OOSP1: variants seen among roughly 807,000 people sequenced by gnomAD.
The protein encoded by OOSP1 is oocyte secreted protein 1.
OOSP1 carries 11 observed loss-of-function variants against 5.7 expected under a neutral mutation model. The ratio of observed to expected loss-of-function variants is 1.94; its 90% CI spans 1.22 to 3.20. The LOEUF (loss-of-function observed/expected upper bound fraction) is 3.20. OOSP1 is among the 30% of genes most tolerant of loss of function. The probability of loss-of-function intolerance (pLI) is 0.00; values close to 1 mark genes in which losing one functional copy is unlikely to be tolerated. For synonymous variants in OOSP1, 44 were observed against 20.0 expected (o/e 2.20, Z -3.20); for missense variants, 83 against 54.1 (o/e 1.53, Z -1.67).
intron 1 of OOSP1, among the ~76,000 whole-genome samples, chr11:59,939,737 CT>C (rs1853806077): frequency 6.6e-6 from 1 of 150,616 alleles, no homozygotes; most frequent in African/African-American, 2.4e-5. Flanking sequence ...TTCTTTTTCT[CT>C]TTTTTCTTTT....
chr11:59,948,635 G>T (rs966046866), intron 4 of OOSP1: 5 of 396,222 alleles, frequency 1.3e-5, no homozygotes, highest in Non-Finnish European at 1.8e-5. Context: ...TGAATAACAG[G>T]CTCTTAGAAG....
chr11:59,956,915 T>TTA (rs140480076), intron 4 of OOSP1, among the ~76,000 whole-genome samples: 6,574 of 151,286 alleles, frequency 0.043, 159 homozygotes, highest in African/African-American at 0.049. Flanking sequence ...TAGTATTCCA[T>TTA]TATATATATA....
At chr11:59,954,020 A>C (rs1008478454) in intron 4 of OOSP1, among the ~76,000 whole-genome samples, 1 of 152,224 alleles carries the variant, frequency 6.6e-6, no homozygotes, top group Non-Finnish European at 1.5e-5. Context: ...TTTTACACCT[A>C]GGCTATATGG....
At chr11:59,941,184 C>T (rs1853820723) in intron 1 of OOSP1, among the ~76,000 whole-genome samples, 6 of 152,028 alleles carry the variant, frequency 3.9e-5, no homozygotes, top group Admixed American at 3.3e-4. Context: ...TTGGAATTGG[C>T]GTTTTTTTTC....
At chr11:59,940,641 G>A (rs1311973773) in intron 1 of OOSP1, among the ~76,000 whole-genome samples, 1 of 152,090 alleles carries the variant, frequency 6.6e-6, no homozygotes, top group Non-Finnish European at 1.5e-5. Context: ...TCTAGTGTGG[G>A]GCCGTTACAA....
At chr11:59,938,987 C>G (rs1853798210) in intron 1 of OOSP1, among the ~76,000 whole-genome samples, 1 of 152,102 alleles carries the variant, frequency 6.6e-6, no homozygotes, top group Non-Finnish European at 1.5e-5. Flanking sequence ...GTCAGTGCCC[C>G]CTAAGTGAGG....
chr11:59,944,271 A>T (rs1476036153), intron 2 of OOSP1, among the ~76,000 whole-genome samples: 2 of 148,296 alleles, frequency 1.3e-5, no homozygotes, highest in African/African-American at 4.9e-5. Flanking sequence ...TGGGTCAACA[A>T]GCCCTTAGGG....
At chr11:59,952,234 G>A (rs1421749805) in intron 4 of OOSP1, among the ~76,000 whole-genome samples, 1 of 152,050 alleles carries the variant, frequency 6.6e-6, no homozygotes. Context: ...CTTCAATATG[G>A]AGATTCCTTA....
At chr11:59,939,097 T>A (rs954667805) in intron 1 of OOSP1, among the ~76,000 whole-genome samples, 1 of 152,134 alleles carries the variant, frequency 6.6e-6, no homozygotes, top group Non-Finnish European at 1.5e-5. Context: ...GAGTATAAAC[T>A]TGGGCTGTCA....
At position 59,939,786 on chromosome 11, in the gene OOSP1, C is replaced by CTTTTCT. The variant is rs1360772023; in HGVS notation, c.76+1263_76+1268dup. Among the ~76,000 whole-genome samples the CTTTTCT allele has an allele frequency of 1.3e-4, 19 of 149,780 alleles. No homozygotes were observed. The East Asian group carries it at 3.7e-3, about 29-fold the overall frequency. On this transcript the variant is annotated intron_variant, in intron 1 of 4. Transcript: ENST00000646685. ...CCTTCTCTTTCTCATCTTTCTCTTT[C>CTTTTCT]TTTTCTTTTTCTCTTTCTCTTCTCT...
chr11:59,952,196 G>A (rs1266701651), intron 4 of OOSP1, among the ~76,000 whole-genome samples: 1 of 152,114 alleles, frequency 6.6e-6, no homozygotes, highest in Non-Finnish European at 1.5e-5. Flanking sequence ...ATAGTATTTT[G>A]TTGGGAGGAT....
intron 1 of OOSP1, among the ~76,000 whole-genome samples, chr11:59,941,147 A>G (rs1311369915): frequency 1.3e-5 from 2 of 152,184 alleles, no homozygotes; most frequent in African/African-American, 4.8e-5. Context: ...AGGGTGTTAT[A>G]TAAATGGGCT....
chr11:59,940,949 C>T (rs1853818329), intron 1 of OOSP1, among the ~76,000 whole-genome samples: 1 of 152,170 alleles, frequency 6.6e-6, no homozygotes, highest in South Asian at 2.1e-4. Context: ...AAATATAATA[C>T]AGTATTACAT....
At chr11:59,940,219 AAGC>A in intron 1 of OOSP1, among the ~76,000 whole-genome samples, 1 of 152,388 alleles carries the variant, frequency 6.6e-6, no homozygotes, top group South Asian at 2.1e-4. Flanking sequence ...AAGTTTAAAA[AAGC>A]AGGTAACTAT....
At chr11:59,948,392 A>C (rs1853908263) in intron 4 of OOSP1, among the ~76,000 whole-genome samples, 1 of 152,226 alleles carries the variant, frequency 6.6e-6, no homozygotes, top group Non-Finnish European at 1.5e-5. Context: ...CTATTAATAA[A>C]AGGATGGAGC....
intron 1 of OOSP1, among the ~76,000 whole-genome samples, chr11:59,942,414 G>A (rs1853838757): frequency 6.6e-6 from 1 of 152,160 alleles, no homozygotes; most frequent in Admixed American, 6.6e-5. Flanking sequence ...TCATGAAACT[G>A]TGGGTATAAA....
At position 59,941,588 on chromosome 11, in the gene OOSP1, C is replaced by T. The variant is rs374110726; in HGVS notation, c.77-1259C>T. On this transcript the variant is annotated intron_variant, in intron 1 of 4. Transcript: ENST00000646685. ...AGAGATGGGGTTTTACCATGTTGAT[C>T]AGACTGGTCTTGAACTCCTGACCTC... Among the ~76,000 whole-genome samples the T allele has an allele frequency of 2.2e-4, 33 of 152,212 alleles. No homozygotes were observed. In the South Asian group the frequency reaches 6.6e-3, roughly 31 times the overall value.
chr11:59,945,750 CAAAAAAAAAAA>C (rs67604320), intron 3 of OOSP1, among the ~76,000 whole-genome samples: 6 of 45,822 alleles, frequency 1.3e-4, no homozygotes, highest in South Asian at 1.3e-3. Context: ...GACTCTGTCT[CAAAAAAAAAAA>C]AAAAAAAAAA....
intron 3 of OOSP1, among the ~76,000 whole-genome samples, 200 bp from the exon 4 acceptor site, chr11:59,947,530 GTTT>G (rs1244078170): frequency 6.6e-6 from 1 of 152,134 alleles, no homozygotes; most frequent in African/African-American, 2.4e-5. Flanking sequence ...CCAGAAGTCT[GTTT>G]TTTAAGTCTT....
Sources: gnomAD v4.1 joint callset for allele counts (sites outside exome capture counted in the v4.1 genomes callset) on GRCh38, gnomAD v4.1.1 for gene constraint, MANE v1.5 for transcripts, NCBI Gene and HGNC (gene_info 2026-07-23, HGNC 2026-07-21) for gene names.